PVT1: variants seen among roughly 807,000 people sequenced by gnomAD.
The protein encoded by PVT1 is Pvt1 oncogene.
intron 2 of PVT1, among the ~76,000 whole-genome samples, chr8:127,841,608 A>G (rs1172059831): frequency 6.6e-6 from 1 of 152,158 alleles, no homozygotes; most frequent in Non-Finnish European, 1.5e-5. Flanking sequence ...AAGAGGCTAA[A>G]TGCCATGGCT....
intron 3 of PVT1, among the ~76,000 whole-genome samples, chr8:127,975,342 T>C (rs6986528): frequency 0.55 from 84,081 of 152,090 alleles, 24,305 homozygotes; most frequent in South Asian, 0.81. Flanking sequence ...AAAATTATCA[T>C]TCAATGGATG....
At chr8:127,925,926 C>A (rs1270656041) in intron 3 of PVT1, among the ~76,000 whole-genome samples, 1 of 152,328 alleles carries the variant, frequency 6.6e-6, no homozygotes, top group South Asian at 2.1e-4. Flanking sequence ...CAGGCATGAG[C>A]CACCGTGCCC....
At chr8:127,908,616 A>C (rs2074184865) in intron 3 of PVT1, among the ~76,000 whole-genome samples, 1 of 152,160 alleles carries the variant, frequency 6.6e-6, no homozygotes, top group African/African-American at 2.4e-5. Context: ...TTGGGATTAC[A>C]GGCGTGAGCC....
intron 2 of PVT1, among the ~76,000 whole-genome samples, chr8:127,863,281 T>C (rs1815249976): frequency 6.6e-6 from 1 of 151,942 alleles, no homozygotes; most frequent in Non-Finnish European, 1.5e-5. Flanking sequence ...CAGCTAATTT[T>C]TTGCATTTTT....
chr8:128,017,416 C>T (rs1453830207), intron 4 of PVT1, among the ~76,000 whole-genome samples: 1 of 152,100 alleles, frequency 6.6e-6, no homozygotes, highest in African/African-American at 2.4e-5. Flanking sequence ...TACACAACTA[C>T]ATGGCCAGCT....
chr8:127,869,591 C>T (rs1815328696), intron 2 of PVT1, among the ~76,000 whole-genome samples: 2 of 152,142 alleles, frequency 1.3e-5, no homozygotes, highest in African/African-American at 4.8e-5. Context: ...AGGCTCTTTC[C>T]CTCCTCTTGT....
chr8:128,012,259 G>T (rs1200625474), intron 4 of PVT1, among the ~76,000 whole-genome samples: 2 of 152,172 alleles, frequency 1.3e-5, no homozygotes, highest in Non-Finnish European at 2.9e-5. Flanking sequence ...GAAAGGCCAA[G>T]CCAGGCTTGG....
chr8:127,928,321 A>G (rs141304632), intron 3 of PVT1, among the ~76,000 whole-genome samples: 1 of 139,538 alleles, frequency 7.2e-6, no homozygotes, highest in African/African-American at 2.5e-5. Context: ...GTAATTTTCT[A>G]TCCTCTGACC....
intron 2 of PVT1, among the ~76,000 whole-genome samples, chr8:127,879,570 A>C: frequency 6.6e-6 from 1 of 151,852 alleles, no homozygotes; most frequent in African/African-American, 2.4e-5. Context: ...AAAAAAGAAC[A>C]AAGTCTCCGG....
intron 3 of PVT1, among the ~76,000 whole-genome samples, chr8:127,941,325 C>T (rs1816346949): frequency 6.6e-6 from 1 of 152,188 alleles, no homozygotes; most frequent in Non-Finnish European, 1.5e-5. Context: ...GGTTTAATCA[C>T]ATCTAGGAAG....
chr8:128,001,074 A>G (rs1817171500), intron 4 of PVT1, among the ~76,000 whole-genome samples: 1 of 152,210 alleles, frequency 6.6e-6, no homozygotes, highest in African/African-American at 2.4e-5. Context: ...AACTTGAAGC[A>G]GGTTTCCAAG....
chr8:127,984,923 CTTTCTCTTTCTTTCTTTCT>C lies in PVT1; in HGVS notation n.783-4236_783-4218del, dbSNP rs1563657673. On this transcript the variant is annotated intron_variant and non_coding_transcript_variant, in intron 3 of 10. Coordinates refer to ENST00000651587, the Ensembl canonical transcript of PVT1. ...TTTCTTTCTTTCTTTCTTTCTTTCT[CTTTCTCTTTCTTTCTTTCT>C]TTCCCCTTCCTTCCTTCCTTCCTCC... 1.4e-3 allele frequency among the ~76,000 whole-genome samples: 165 copies of C among 120,258 alleles called. 2 individuals are homozygous for C. Among genetic ancestry groups the C allele is most frequent in the Admixed American group, 2.4e-3 (30 of 12,276 alleles). The allele number at this position is 120,258 out of a possible 152,430, so 78.9% of individuals were successfully genotyped here.
intron 4 of PVT1, among the ~76,000 whole-genome samples, chr8:128,005,846 G>T (rs1045180821): frequency 2.6e-5 from 4 of 152,260 alleles, no homozygotes; most frequent in Admixed American, 1.3e-4. Flanking sequence ...GCTCACACCC[G>T]CAATGCCAGC....
chr8:127,825,264 T>G (rs1418371574), intron 2 of PVT1, among the ~76,000 whole-genome samples: 1 of 152,136 alleles, frequency 6.6e-6, no homozygotes, highest in Non-Finnish European at 1.5e-5. Context: ...AATTATCAAG[T>G]CAAAGGTTCT....
At chr8:127,885,552 A>T (rs1007681206) in intron 2 of PVT1, among the ~76,000 whole-genome samples, 3 of 152,160 alleles carry the variant, frequency 2.0e-5, no homozygotes, top group Admixed American at 6.5e-5. Context: ...TACCTCTTTT[A>T]TAAGGGCACT....
At chr8:128,087,256 G>A (rs957636215) in intron 5 of PVT1, among the ~76,000 whole-genome samples, 3 of 152,136 alleles carry the variant, frequency 2.0e-5, no homozygotes, top group Admixed American at 2.0e-4. Flanking sequence ...CCCTTCCCTC[G>A]ATGGAATCCC....
At chr8:127,967,392 T>C (rs1000017854) in intron 3 of PVT1, among the ~76,000 whole-genome samples, 1 of 152,184 alleles carries the variant, frequency 6.6e-6, no homozygotes, top group African/African-American at 2.4e-5. Flanking sequence ...TTTGCCCAAG[T>C]CTCCTCCTGT....
chr8:127,822,040 T>A (rs1484513982), intron 2 of PVT1, among the ~76,000 whole-genome samples: 1 of 152,196 alleles, frequency 6.6e-6, no homozygotes, highest in Admixed American at 6.5e-5. Context: ...GTTTAAACTC[T>A]CAGAGCTTCA....
At chr8:127,810,772 G>A (rs564472703) in intron 2 of PVT1, among the ~76,000 whole-genome samples, 1 of 152,244 alleles carries the variant, frequency 6.6e-6, no homozygotes, top group Non-Finnish European at 1.5e-5. Flanking sequence ...ACAGGATTTT[G>A]TCTCTTTCCC....
Sources: allele counts gnomAD v4.1 joint callset (sites outside exome capture counted in the v4.1 genomes callset), GRCh38; gene constraint gnomAD v4.1.1; transcripts MANE v1.5; gene names NCBI Gene and HGNC (gene_info 2026-07-23, HGNC 2026-07-21).